Variants in CEP70 observed in about 807,000 individuals in gnomAD.
CEP70 encodes centrosomal protein of 70 kDa.
Under a neutral mutation model 90.9 loss-of-function variants are expected in CEP70, and 70 were observed. The ratio of observed to expected loss-of-function variants is 0.77; its 90% CI spans 0.64 to 0.94. The LOEUF (loss-of-function observed/expected upper bound fraction) is 0.94, where lower values mean the gene tolerates loss of function less well. Ranked by LOEUF, CEP70 falls within the 40% of genes least tolerant of loss-of-function variation. The probability of loss-of-function intolerance (pLI) is 0.00; values close to 1 mark genes in which losing one functional copy is unlikely to be tolerated. For synonymous variants in CEP70, 220 were observed against 228.3 expected (o/e 0.96, Z 0.33); for missense variants, 648 against 669.0 (o/e 0.97, Z 0.35).
intron 11 of CEP70, among the ~76,000 whole-genome samples, chr3:138,525,258 C>T (rs966262746): frequency 4.2e-5 from 6 of 142,520 alleles, no homozygotes; most frequent in Admixed American, 7.2e-5. Context: ...ACACTGGGGC[C>T]TGTTATGGGG....
At chr3:138,510,242 C>T (rs1435414919) in intron 11 of CEP70, among the ~76,000 whole-genome samples, 2 of 148,868 alleles carry the variant, frequency 1.3e-5, no homozygotes, top group African/African-American at 2.5e-5. Flanking sequence ...GGTGAAACTC[C>T]CTGTCTACTA....
chr3:138,497,031 A>G, intron 17 of CEP70: 1 of 1,000,272 alleles, frequency 1.0e-6, no homozygotes, highest in Non-Finnish European at 1.2e-6. Context: ...GCTCTTCAGG[A>G]TATCAGACAA....
rs558768511 is a variant in CEP70, at chr3:138,578,719, A to C, written c.-5-5787T>G. ...GTTAGAAAAGCTTTCCTGAACTCTC[A>C]ACCATTATAAAAGTTCAGAAAAACT... On this transcript the variant is annotated intron_variant, in intron 2 of 17. Transcript: ENST00000264982. 3.9e-3 allele frequency among the ~76,000 whole-genome samples: 600 copies of C among 152,366 alleles called. 3 individuals are homozygous for C. Among genetic ancestry groups the C allele is most frequent in the African/African-American group, 0.014 (577 of 41,582 alleles).
At chr3:138,505,259 G>A (rs1402467889) in intron 13 of CEP70, 36 bp downstream of exon 13, 7 of 1,491,384 alleles carry the variant, frequency 4.7e-6, no homozygotes, top group Non-Finnish European at 6.3e-6. Context: ...GAGTCCAATA[G>A]ATGTTCAAAG....
At chr3:138,523,418 A>C (rs2036881783) in intron 11 of CEP70, among the ~76,000 whole-genome samples, 1 of 152,158 alleles carries the variant, frequency 6.6e-6, no homozygotes, top group African/African-American at 2.4e-5. Flanking sequence ...TCAATTAGGA[A>C]AAGAGGAAGT....
intron 2 of CEP70, among the ~76,000 whole-genome samples, chr3:138,576,288 C>G (rs1233062259): frequency 6.6e-6 from 1 of 152,046 alleles, no homozygotes; most frequent in African/African-American, 2.4e-5. Flanking sequence ...CAAAAAAAAG[C>G]AGGGGTTGCA....
At chr3:138,549,894 T>G (rs999498679) in intron 6 of CEP70, among the ~76,000 whole-genome samples, 2 of 152,116 alleles carry the variant, frequency 1.3e-5, no homozygotes, top group African/African-American at 4.8e-5. Context: ...AAGGACTCTG[T>G]GCAGATAATC....
chr3:138,543,303 G>GC (rs2038910496), intron 6 of CEP70, among the ~76,000 whole-genome samples: 1 of 152,160 alleles, frequency 6.6e-6, no homozygotes, highest in Non-Finnish European at 1.5e-5. Flanking sequence ...TCCCTTCTGC[G>GC]CTCGTCGGCA....
intron 2 of CEP70, among the ~76,000 whole-genome samples, chr3:138,584,009 G>A (rs1033935682): frequency 6.6e-6 from 1 of 151,814 alleles, no homozygotes; most frequent in Non-Finnish European, 1.5e-5. Context: ...TTGAAAAGAT[G>A]TAGAAAACTG....
Position 138,498,048 on chromosome 3 carries a change from T to A in CEP70, c.1715A>T (p.Asp572Val). Residue 572 changes from aspartate to valine, a missense_variant, in exon 17 of 18, where the codon GAT becomes GTT. Asp to Val is a radical substitution (Grantham distance 152). Transcript: ENST00000264982. ...GATCTTACCTAAGATTTCAAGTAGATCATTAGTAAATGCCTGAAATGCTGG... is the reference window on the plus strand; with the variant it reads ...GATCTTACCTAAGATTTCAAGTAGAACATTAGTAAATGCCTGAAATGCTGG... ...FFPAFQAFTN[D>V]LLEILEIDDL... 1 of 1,613,154 alleles carries A rather than the reference T, an allele frequency of 6.2e-7. No individual in the cohort carries two copies. Among genetic ancestry groups the A allele is most frequent in the Non-Finnish European group, 8.5e-7 (1 of 1,179,570 alleles).
In CEP70 at chr3:138,529,238, G is replaced by C. The variant is rs200833478; in HGVS notation, c.830C>G (p.Ser277Ter). Reference sequence around the variant, plus strand: ...TTTTTGGAGGTTCAGCTTTTCACTTGAAAGTGCATCAATCTTAGATTTTGA... The same window carrying C: ...TTTTTGGAGGTTCAGCTTTTCACTTCAAAGTGCATCAATCTTAGATTTTGA... ...KESKSKIDAL[S>*]SEKLNLQKDL... The change falls in exon 10 of 18, where the codon TCA becomes TGA. Residue 277 changes from serine to a stop codon, truncating the protein, a stop_gained. Transcript: ENST00000264982. LOFTEE classifies it high-confidence loss of function. 5 of 1,607,956 alleles carry C rather than the reference G, an allele frequency of 3.1e-6. No individual in the cohort carries two copies. Among genetic ancestry groups the C allele is most frequent in the Admixed American group, 1.7e-5 (1 of 59,418 alleles).
intron 6 of CEP70, among the ~76,000 whole-genome samples, chr3:138,541,450 C>T (rs1434100829): frequency 6.7e-6 from 1 of 149,532 alleles, no homozygotes; most frequent in Non-Finnish European, 1.5e-5. Flanking sequence ...AACCTGTCAA[C>T]CAAGAATATT....
intron 8 of CEP70, 40 bp from the exon 9 acceptor site, chr3:138,529,502 T>A (rs745577103): frequency 4.7e-6 from 6 of 1,278,616 alleles, no homozygotes; most frequent in South Asian, 1.3e-5. Flanking sequence ...GAAAAATCTA[T>A]CTTCAAAGAA....
intron 2 of CEP70, among the ~76,000 whole-genome samples, chr3:138,574,062 G>A (rs2041353377): frequency 6.6e-6 from 1 of 152,138 alleles, no homozygotes; most frequent in African/African-American, 2.4e-5. Context: ...TTCCAACTGA[G>A]GTACCTGGTT....
At chr3:138,594,026 T>C (rs2042531948) in intron 1 of CEP70, 172 bp downstream of exon 1, 1 of 152,318 alleles carries the variant, frequency 6.6e-6, no homozygotes, top group African/African-American at 2.4e-5. Flanking sequence ...GGCAGTTTTG[T>C]CCGATCCCCA....
In CEP70 at chr3:138,537,351, T is replaced by C; in HGVS notation, c.466-4A>G. 1 of 1,567,242 alleles carries C rather than the reference T, an allele frequency of 6.4e-7. No homozygotes were observed. Among genetic ancestry groups the C allele is most frequent in the Non-Finnish European group, 8.6e-7 (1 of 1,158,824 alleles). ...TCTTATAATGCTGGCACTTCACCTA[T>C]AAGATATTTTTTAAAAACATGATTA... On this transcript the variant is annotated splice_polypyrimidine_tract_variant and splice_region_variant and intron_variant, in intron 6 of 17. Transcript: ENST00000264982.
At chr3:138,572,626 A>G (rs2041251983) in intron 3 of CEP70, among the ~76,000 whole-genome samples, 1 of 152,238 alleles carries the variant, frequency 6.6e-6, no homozygotes, top group African/African-American at 2.4e-5. Flanking sequence ...GTCTAATGAA[A>G]TGTTCATCAA....
chr3:138,586,967 A>G (rs1004882469), intron 2 of CEP70, among the ~76,000 whole-genome samples: 6 of 152,128 alleles, frequency 3.9e-5, no homozygotes, highest in African/African-American at 1.4e-4. Context: ...CTGTGCACCC[A>G]TGAAATTAAA....
intron 7 of CEP70, among the ~76,000 whole-genome samples, chr3:138,532,888 C>T (rs146748458): frequency 6.6e-6 from 1 of 152,270 alleles, no homozygotes; most frequent in African/African-American, 2.4e-5. Context: ...TCAATATGAA[C>T]AAAGTTGTTC....
Sources: allele counts gnomAD v4.1 joint callset (sites outside exome capture counted in the v4.1 genomes callset), GRCh38; gene constraint gnomAD v4.1.1; transcripts MANE v1.5; gene names NCBI Gene and HGNC (gene_info 2026-07-23, HGNC 2026-07-21).